PDLIM5: variants seen among roughly 807,000 people sequenced by gnomAD.
PDLIM5 encodes the protein PDZ and LIM domain 5.
PDLIM5 carries 34 observed loss-of-function variants against 64.2 expected under a neutral mutation model. The observed-to-expected ratio is 0.53, with a 90% CI of 0.40 to 0.71. The LOEUF (loss-of-function observed/expected upper bound fraction) is 0.71, where lower values mean the gene tolerates loss of function less well. Among genes scored for constraint, PDLIM5 ranks in the 30% least tolerant of loss-of-function variants. The probability of loss-of-function intolerance (pLI) is 0.00; values close to 1 mark genes in which losing one functional copy is unlikely to be tolerated. For synonymous variants in PDLIM5, 253 were observed against 269.1 expected, an observed-to-expected ratio of 0.94 and a Z score of 0.59; for missense variants, 683 against 733.6, an observed-to-expected ratio of 0.93 and a Z score of 0.80.
chr4:94,588,876 T>G (rs1425467459), intron 7 of PDLIM5, among the ~76,000 whole-genome samples: 1 of 152,236 alleles, frequency 6.6e-6, no homozygotes, highest in Non-Finnish European at 1.5e-5. Context: ...AAATTTGGCC[T>G]GCCAAATGCA....
At chr4:94,663,816 A>T (rs969350730) in intron 12 of PDLIM5, among the ~76,000 whole-genome samples, 162 bp from the exon 13 acceptor site, 2 of 152,224 alleles carry the variant, frequency 1.3e-5, no homozygotes, top group Non-Finnish European at 2.9e-5. Context: ...ATCTAATGTT[A>T]TAGTAATCGT....
At position 94,666,109 on chromosome 4, in the gene PDLIM5, G is replaced by C. The variant is rs1409322119; in HGVS notation, c.*2042G>C. The stretch of plus-strand genomic sequence containing the variant: ...ATTTTATAGTCGAGACAGAGCCCTA[G>C]GTCCTTCCTGCCCCATCACTCACTT... On this transcript the variant is annotated 3_prime_UTR_variant, in exon 13 of 13. Coordinates refer to ENST00000317968, the MANE Select transcript of PDLIM5 (RefSeq NM_006457.5). 3.6e-6 allele frequency: 4 copies of C among 1,107,692 alleles called. No homozygotes were observed. The highest frequency in any genetic ancestry group is 3.9e-6 in the Non-Finnish European group (3 of 768,026). The allele number at this position is 1,107,692 out of a possible 1,614,324, so 68.6% of individuals were successfully genotyped here.
At chr4:94,662,144 G>A (rs1366559818) in intron 11 of PDLIM5, among the ~76,000 whole-genome samples, 3 of 152,022 alleles carry the variant, frequency 2.0e-5, no homozygotes, top group Admixed American at 2.0e-4. Context: ...ATGTATTTAG[G>A]CAATTAAGTA....
chr4:94,587,051 A>G, intron 7 of PDLIM5: 1 of 1,610,056 alleles, frequency 6.2e-7, no homozygotes, highest in Non-Finnish European at 8.5e-7. Flanking sequence ...TGGCACCATG[A>G]AGTTTCAGCA....
At chr4:94,475,017 A>G (rs944009761) in intron 2 of PDLIM5, among the ~76,000 whole-genome samples, 3 of 152,212 alleles carry the variant, frequency 2.0e-5, no homozygotes, top group Non-Finnish European at 4.4e-5. Flanking sequence ...ATTATTTTTC[A>G]TATCAACTTT....
At chr4:94,498,190 A>G (rs186798191) in intron 2 of PDLIM5, among the ~76,000 whole-genome samples, 21 of 152,330 alleles carry the variant, frequency 1.4e-4, no homozygotes, top group Admixed American at 1.4e-3. Flanking sequence ...CTACTGTAAC[A>G]TTTATTCCTC....
intron 3 of PDLIM5, among the ~76,000 whole-genome samples, chr4:94,568,901 A>C (rs1734570253): frequency 6.6e-6 from 1 of 152,250 alleles, no homozygotes; most frequent in African/African-American, 2.4e-5. Context: ...TAGAAGATTG[A>C]GGCTTTGACC....
chr4:94,563,012 T>C (rs1733976623), intron 3 of PDLIM5, among the ~76,000 whole-genome samples: 1 of 152,108 alleles, frequency 6.6e-6, no homozygotes, highest in East Asian at 1.9e-4. Flanking sequence ...AAACAAGTCT[T>C]CTATTATAAG....
At chr4:94,552,625 T>C (rs1732907967) in intron 3 of PDLIM5, among the ~76,000 whole-genome samples, 1 of 152,018 alleles carries the variant, frequency 6.6e-6, no homozygotes, top group African/African-American at 2.4e-5. Flanking sequence ...TAAAAATCTC[T>C]CTATAGCAAA....
chr4:94,546,816 T>A (rs979800610), intron 3 of PDLIM5, among the ~76,000 whole-genome samples: 2 of 143,220 alleles, frequency 1.4e-5, no homozygotes, highest in Non-Finnish European at 3.1e-5. Context: ...ACCCTAGCAC[T>A]CCTTCTGACA....
intron 3 of PDLIM5, among the ~76,000 whole-genome samples, chr4:94,547,355 G>A (rs1286542988): frequency 6.6e-6 from 1 of 152,114 alleles, no homozygotes; most frequent in East Asian, 1.9e-4. Context: ...GAGACTACCT[G>A]CATTCCTTGA....
At chr4:94,582,833 A>G (rs1414167615) in intron 5 of PDLIM5, 2 of 770,390 alleles carry the variant, frequency 2.6e-6, no homozygotes, top group Admixed American at 2.6e-5. Context: ...TTTTCTCATT[A>G]TAAGAATTTT....
chr4:94,487,828 CTG>C, intron 2 of PDLIM5, among the ~76,000 whole-genome samples: 1 of 152,148 alleles, frequency 6.6e-6, no homozygotes. Flanking sequence ...ATAGGAGTCT[CTG>C]GAACAGCGTT....
At chr4:94,621,182 T>C (rs1739213185) in intron 8 of PDLIM5, among the ~76,000 whole-genome samples, 1 of 152,030 alleles carries the variant, frequency 6.6e-6, no homozygotes, top group Admixed American at 6.6e-5. Flanking sequence ...CTTTCATTAC[T>C]TCTAAAAACT....
chr4:94,649,354 C>T (rs1181338523), intron 9 of PDLIM5, among the ~76,000 whole-genome samples: 1 of 152,116 alleles, frequency 6.6e-6, no homozygotes, highest in African/African-American at 2.4e-5. Context: ...CCTGTCATGG[C>T]CACAGGTTCT....
intron 3 of PDLIM5, among the ~76,000 whole-genome samples, chr4:94,567,382 G>A (rs1414100309): frequency 6.6e-6 from 1 of 152,174 alleles, no homozygotes; most frequent in Non-Finnish European, 1.5e-5. Flanking sequence ...ATGAAGTACT[G>A]TGTTGATAAA....
intron 8 of PDLIM5, among the ~76,000 whole-genome samples, chr4:94,620,968 G>T (rs1470919863): frequency 2.2e-5 from 3 of 137,336 alleles, no homozygotes; most frequent in Non-Finnish European, 1.5e-5. Context: ...CTACTCAGGA[G>T]GCTGAGGCAG....
intron 9 of PDLIM5, among the ~76,000 whole-genome samples, chr4:94,651,408 A>T (rs1037490061): frequency 6.6e-6 from 1 of 152,216 alleles, no homozygotes; most frequent in Non-Finnish European, 1.5e-5. Context: ...TTTTAAAGTC[A>T]TCCTTTTAAT....
chr4:94,532,810 C>G (rs1731005625), intron 3 of PDLIM5, among the ~76,000 whole-genome samples: 1 of 152,050 alleles, frequency 6.6e-6, no homozygotes, highest in South Asian at 2.1e-4. Context: ...ACCAGCCTGA[C>G]CAACATGGTG....
Sources: gnomAD v4.1 joint callset for allele counts (sites outside exome capture counted in the v4.1 genomes callset) on GRCh38, gnomAD v4.1.1 for gene constraint, MANE v1.5 for transcripts, NCBI Gene and HGNC (gene_info 2026-07-23, HGNC 2026-07-21) for gene names.